Variants in ADAM9 observed in about 807,000 individuals in gnomAD.
The protein encoded by ADAM9 is disintegrin and metalloproteinase domain-containing protein 9.
In ADAM9, 54 loss-of-function variants were observed where a neutral mutation model predicts 108.1. The ratio of observed to expected loss-of-function variants is 0.50; its 90% CI spans 0.40 to 0.63. ADAM9 has a LOEUF of 0.63. ADAM9 is among the 20% of genes least tolerant of loss of function. ADAM9 has a pLI of 0.00. For missense variants in ADAM9, 830 were observed against 997.7 expected (o/e 0.83, Z 2.26); for synonymous variants, 316 against 336.0 (o/e 0.94, Z 0.65).
chr8:38,998,404 TTG>T (rs1835892029), intron 1 of ADAM9, among the ~76,000 whole-genome samples: 1 of 152,224 alleles, frequency 6.6e-6, no homozygotes, highest in African/African-American at 2.4e-5. Flanking sequence ...TGATTTTTTT[TTG>T]TGTTTGTAAA....
At chr8:39,099,311 G>A (rs1404027194) in intron 20 of ADAM9, among the ~76,000 whole-genome samples, 2 of 152,096 alleles carry the variant, frequency 1.3e-5, no homozygotes, top group African/African-American at 4.8e-5. Flanking sequence ...TCCGTAGTTT[G>A]GACTCTTTCA....
intron 14 of ADAM9, among the ~76,000 whole-genome samples, chr8:39,070,429 T>TA (rs1383194400): frequency 6.6e-6 from 1 of 152,204 alleles, no homozygotes; most frequent in Non-Finnish European, 1.5e-5. Flanking sequence ...TACCACTTTT[T>TA]ACCTTCATTT....
rs1196914488 is a variant in ADAM9 at position 39,091,353 on chromosome 8, A to G, written c.2298+7A>G. 7.5e-6 allele frequency: 12 copies of G among 1,610,554 alleles called. No individual in the cohort carries two copies. Among genetic ancestry groups the G allele is most frequent in the Non-Finnish European group, 9.3e-6 (11 of 1,176,798 alleles). On this transcript the variant is annotated splice_region_variant and intron_variant, in intron 20 of 21. Coordinates refer to ENST00000487273, the MANE Select transcript of ADAM9 (RefSeq NM_003816.3). Reference sequence around the variant, plus strand: ...GACACCTCCCAGAGAAGTTGTAAGTATAAAATGAAAAATTATTTTTCTTTA... The same window carrying G: ...GACACCTCCCAGAGAAGTTGTAAGTGTAAAATGAAAAATTATTTTTCTTTA...
chr8:39,047,542 A>G (rs1837812217), intron 12 of ADAM9, among the ~76,000 whole-genome samples: 1 of 151,552 alleles, frequency 6.6e-6, no homozygotes, highest in South Asian at 2.1e-4. Context: ...TGTTTCTAGG[A>G]ATTTATCCGT....
chr8:39,046,746 G>A (rs1167808952), intron 12 of ADAM9, among the ~76,000 whole-genome samples: 1 of 151,762 alleles, frequency 6.6e-6, no homozygotes, highest in African/African-American at 2.4e-5. Flanking sequence ...TTTTGTTAAT[G>A]TGGTATATCT....
rs147951766 is a variant in ADAM9, at chr8:39,099,234, A to G, written c.2299-2629A>G. On this transcript the variant is annotated intron_variant, in intron 20 of 21. Coordinates refer to ENST00000487273, the MANE Select transcript of ADAM9 (RefSeq NM_003816.3). Reference sequence around the variant, plus strand: ...GCCCCAGCTTTTGCCTCCTTTATCTATGGGTCACTGAAAACGCATACTGCC... The same window carrying G: ...GCCCCAGCTTTTGCCTCCTTTATCTGTGGGTCACTGAAAACGCATACTGCC... Among the ~76,000 whole-genome samples the G allele has an allele frequency of 3.0e-4, 46 of 152,132 alleles. No individual in the cohort carries two copies. The East Asian group carries it at 4.1e-3, about 13-fold the overall frequency.
rs543359232 is a variant in ADAM9, at chr8:39,005,652, A to G, written c.98-2234A>G. On this transcript the variant is annotated intron_variant, in intron 1 of 21. Coordinates refer to ENST00000487273, the MANE Select transcript of ADAM9 (RefSeq NM_003816.3). ...ACTGAAATAAGCAGAGTCAGTCCAA[A>G]TTGCAGGGAAAAACTCAGAAACAAC... 3.3e-5 allele frequency among the ~76,000 whole-genome samples: 5 copies of G among 152,350 alleles called. No homozygotes were observed. In the East Asian group the frequency reaches 5.8e-4, roughly 18 times the overall value.
At chr8:39,048,845 A>G (rs1837860176) in intron 12 of ADAM9, among the ~76,000 whole-genome samples, 1 of 151,426 alleles carries the variant, frequency 6.6e-6, no homozygotes, top group Non-Finnish European at 1.5e-5. Flanking sequence ...GTGTTTTGTG[A>G]CAATTCTGAC....
intron 12 of ADAM9, among the ~76,000 whole-genome samples, chr8:39,048,260 T>C (rs2129437620): frequency 6.6e-6 from 1 of 152,304 alleles, no homozygotes; most frequent in East Asian, 1.9e-4. Context: ...CATATTGTGT[T>C]TTTTGTTTGT....
At chr8:39,062,929 T>C (rs1226902421) in intron 14 of ADAM9, among the ~76,000 whole-genome samples, 1 of 152,218 alleles carries the variant, frequency 6.6e-6, no homozygotes, top group Non-Finnish European at 1.5e-5. Flanking sequence ...TAAACTGAGA[T>C]AGGCCCTGCA....
intron 11 of ADAM9, among the ~76,000 whole-genome samples, chr8:39,036,194 C>T (rs1837270124): frequency 6.6e-6 from 1 of 152,044 alleles, no homozygotes. Flanking sequence ...TATTCTTATG[C>T]ATTGCTGTTA....
chr8:39,010,012 T>C (rs1836304854), intron 2 of ADAM9, among the ~76,000 whole-genome samples: 2 of 137,626 alleles, frequency 1.5e-5, no homozygotes, highest in African/African-American at 5.4e-5. Context: ...TGGTGATAAG[T>C]GCTATGGAGA....
chr8:39,068,559 C>T (rs2129440942), intron 14 of ADAM9, among the ~76,000 whole-genome samples: 1 of 151,366 alleles, frequency 6.6e-6, no homozygotes, highest in South Asian at 2.1e-4. Flanking sequence ...CCTGTAATCC[C>T]AGCTACTCAG....
chr8:39,082,359 A>G (rs1480771941), intron 16 of ADAM9, among the ~76,000 whole-genome samples: 1 of 152,134 alleles, frequency 6.6e-6, no homozygotes, highest in Non-Finnish European at 1.5e-5. Flanking sequence ...TATTTTATTT[A>G]GGATCTTCAC....
At chr8:38,997,278 G>T in intron 1 of ADAM9, 118 bp downstream of exon 1, 1 of 1,220,384 alleles carries the variant, frequency 8.2e-7, no homozygotes, top group Admixed American at 2.1e-5. Flanking sequence ...ACCCGGGGTC[G>T]GGGGGCGCGG....
intron 20 of ADAM9, among the ~76,000 whole-genome samples, chr8:39,091,634 G>A (rs1839358037): frequency 6.6e-6 from 1 of 152,088 alleles, no homozygotes; most frequent in African/African-American, 2.4e-5. Context: ...TTACAGGTGT[G>A]TACCACCACG....
chr8:39,069,188 C>T (rs896136987), intron 14 of ADAM9, among the ~76,000 whole-genome samples: 6 of 151,714 alleles, frequency 4.0e-5, no homozygotes, highest in African/African-American at 1.2e-4. Context: ...AATTTCTTTT[C>T]GGCTTCTAAG....
At chr8:39,027,896 C>T (rs915957754) in intron 11 of ADAM9, among the ~76,000 whole-genome samples, 7 of 151,702 alleles carry the variant, frequency 4.6e-5, no homozygotes, top group Admixed American at 1.3e-4. Context: ...CGGTGAGACC[C>T]TGTCTCTAAA....
intron 12 of ADAM9, among the ~76,000 whole-genome samples, chr8:39,047,959 T>G (rs1252760107): frequency 2.0e-5 from 3 of 151,914 alleles, no homozygotes; most frequent in Admixed American, 1.3e-4. Context: ...CTCACTGTGT[T>G]GTCCAGGCTG....
Sources: allele counts gnomAD v4.1 joint callset (sites outside exome capture counted in the v4.1 genomes callset), GRCh38; gene constraint gnomAD v4.1.1; transcripts MANE v1.5; gene names NCBI Gene and HGNC (gene_info 2026-07-23, HGNC 2026-07-21).